Variants in CPNE8 observed in about 807,000 individuals in gnomAD.
CPNE8 encodes the protein copine-8.
Under a neutral mutation model 81.5 loss-of-function variants are expected in CPNE8, and 45 were observed. The observed-to-expected ratio is 0.55, with a 90% CI of 0.44 to 0.71. The LOEUF (loss-of-function observed/expected upper bound fraction) is 0.71. Among genes scored for constraint, CPNE8 ranks in the 30% least tolerant of loss-of-function variants. The pLI, the probability that CPNE8 is intolerant of heterozygous loss-of-function variation, is 0.00. For synonymous variants in CPNE8, 252 were observed against 226.3 expected, an observed-to-expected ratio of 1.11 and a Z score of -1.02; for missense variants, 594 against 672.1, an observed-to-expected ratio of 0.88 and a Z score of 1.28.
rs187355344 is a variant in CPNE8 at position 38,665,786 on chromosome 12, T to C, written c.1506+4943A>G. Among the ~76,000 whole-genome samples, 110 of 152,318 alleles carry C rather than the reference T, an allele frequency of 7.2e-4. 2 individuals carry two copies. The East Asian group carries it at 0.017, about 24-fold the overall frequency. On this transcript the variant is annotated intron_variant, in intron 19 of 19. Transcript: ENST00000331366. ...GAAAGCCTTTACGTATATTGACTTA[T>C]GACAAGGTAGTAAGCTTTATTTGTG...
chr12:38,694,508 G>T (rs562568943), intron 14 of CPNE8, among the ~76,000 whole-genome samples: 1 of 152,264 alleles, frequency 6.6e-6, no homozygotes, highest in East Asian at 1.9e-4. Context: ...GTTTAAAAGT[G>T]ATTAAAAATA....
chr12:38,734,515 T>C (rs377250774), intron 10 of CPNE8, among the ~76,000 whole-genome samples: 1 of 152,026 alleles, frequency 6.6e-6, no homozygotes, highest in Non-Finnish European at 1.5e-5. Flanking sequence ...CAATAGATAA[T>C]GCTTATTTTC....
intron 8 of CPNE8, among the ~76,000 whole-genome samples, chr12:38,763,500 T>C (rs976749028): frequency 6.6e-6 from 1 of 152,210 alleles, no homozygotes; most frequent in African/African-American, 2.4e-5. Context: ...GACCATTTAG[T>C]GTGTGGGTTC....
At chr12:38,660,032 A>C (rs1938916799) in intron 19 of CPNE8, among the ~76,000 whole-genome samples, 2 of 152,254 alleles carry the variant, frequency 1.3e-5, no homozygotes, top group African/African-American at 4.8e-5. Context: ...GAAAATGGCC[A>C]TACTGCCCAA....
chr12:38,711,441 A>G (rs1039220493), intron 13 of CPNE8, among the ~76,000 whole-genome samples: 2 of 151,672 alleles, frequency 1.3e-5, no homozygotes, highest in African/African-American at 4.8e-5. Context: ...ATGTAACTAG[A>G]TATCTCTAAG....
In CPNE8 at chr12:38,879,034, A is replaced by T. The variant is rs531302705; in HGVS notation, c.99-4523T>A. Among the ~76,000 whole-genome samples the T allele has an allele frequency of 5.3e-5, 8 of 152,316 alleles. No individual in the cohort carries two copies. The East Asian group carries it at 1.5e-3, about 29-fold the overall frequency. On this transcript the variant is annotated intron_variant, in intron 1 of 19. Coordinates refer to ENST00000331366, the MANE Select transcript of CPNE8 (RefSeq NM_153634.3). Reference sequence around the variant, plus strand: ...ACAGTAATTAGTTCTTATTCCAACTATTTTTCAAATAATCGATAATCATAT... The same window carrying T: ...ACAGTAATTAGTTCTTATTCCAACTTTTTTTCAAATAATCGATAATCATAT...
chr12:38,718,291 G>T (rs1415794130), intron 13 of CPNE8, among the ~76,000 whole-genome samples: 2 of 152,140 alleles, frequency 1.3e-5, no homozygotes, highest in African/African-American at 4.8e-5. Flanking sequence ...TAGCTGACTT[G>T]TTAAAAAAGG....
chr12:38,657,119 C>G (rs530518547), intron 19 of CPNE8, among the ~76,000 whole-genome samples: 1 of 152,146 alleles, frequency 6.6e-6, no homozygotes, highest in Non-Finnish European at 1.5e-5. Context: ...TTTCCCTTTC[C>G]TAGCCAAGGG....
chr12:38,704,826 G>GTATATATATGTGTGTATATGTATATATA (rs58878926), intron 13 of CPNE8, among the ~76,000 whole-genome samples: 15 of 50,196 alleles, frequency 3.0e-4, no homozygotes, highest in Non-Finnish European at 3.8e-4. Flanking sequence ...GTATGTATGT[G>GTATATATATGTGTGTATATGTATATATA]TATATATATA....
intron 7 of CPNE8, among the ~76,000 whole-genome samples, chr12:38,775,253 T>G (rs547701523): frequency 6.6e-6 from 1 of 152,304 alleles, no homozygotes; most frequent in South Asian, 2.1e-4. Context: ...TCCCAAAGGC[T>G]GAGATTACAG....
intron 19 of CPNE8, among the ~76,000 whole-genome samples, chr12:38,669,800 C>G (rs1435197126): frequency 4.6e-5 from 7 of 152,148 alleles, no homozygotes; most frequent in Admixed American, 4.6e-4. Flanking sequence ...TAAGCATATT[C>G]CTTTCCCTTC....
intron 14 of CPNE8, among the ~76,000 whole-genome samples, chr12:38,696,685 G>A (rs1202037681): frequency 6.6e-6 from 1 of 152,090 alleles, no homozygotes; most frequent in Non-Finnish European, 1.5e-5. Flanking sequence ...GAAACTCACA[G>A]TTCAATAGAA....
Position 38,685,596 on chromosome 12 carries a change from A to G in CPNE8, c.1165T>C (p.Tyr389His), listed in dbSNP as rs760891922. The part of the protein sequence containing the change: ...FALNGNPQNP[Y>H]CDGIEGVMEA... ...ATGACCCCCTCAATGCCATCACAGT[A>G]GGGGTTTTGAGGATTCCCATTCTGT... Residue 389 changes from tyrosine to histidine, a missense_variant, in exon 16 of 20, where the codon TAC (tyrosine) becomes CAC (histidine). Physicochemically the swap from Tyr to His is moderately conservative, Grantham distance 83. Transcript: ENST00000331366. 3 of 1,613,192 alleles carry G rather than the reference A, an allele frequency of 1.9e-6. No homozygotes were observed. In the South Asian group the frequency reaches 3.3e-5, roughly 18 times the overall value.
intron 13 of CPNE8, among the ~76,000 whole-genome samples, chr12:38,716,322 A>T (rs1357467832): frequency 6.6e-6 from 1 of 152,086 alleles, no homozygotes; most frequent in African/African-American, 2.4e-5. Flanking sequence ...GGAACCAAAG[A>T]GAGAGCTCAC....
chr12:38,823,448 C>T (rs1943138367), intron 6 of CPNE8, among the ~76,000 whole-genome samples: 1 of 152,206 alleles, frequency 6.6e-6, no homozygotes, highest in African/African-American at 2.4e-5. Context: ...TAATTCTCCA[C>T]CCACTACCAA....
At chr12:38,728,726 T>A (rs1183639274) in intron 11 of CPNE8, among the ~76,000 whole-genome samples, 1 of 152,078 alleles carries the variant, frequency 6.6e-6, no homozygotes, top group Non-Finnish European at 1.5e-5. Flanking sequence ...GGCTGGAAAT[T>A]TTTTTGGTTG....
At chr12:38,818,659 T>C (rs1173730606) in intron 6 of CPNE8, among the ~76,000 whole-genome samples, 4 of 152,158 alleles carry the variant, frequency 2.6e-5, no homozygotes, top group Admixed American at 2.0e-4. Context: ...GTAATGGGAT[T>C]GCTGGGTCAA....
At chr12:38,785,533 G>A (rs1485392867) in intron 6 of CPNE8, among the ~76,000 whole-genome samples, 1 of 152,108 alleles carries the variant, frequency 6.6e-6, no homozygotes, top group Admixed American at 6.5e-5. Flanking sequence ...AAGATCTGAT[G>A]ATTTTATAAA....
intron 6 of CPNE8, among the ~76,000 whole-genome samples, chr12:38,788,109 C>G (rs1942237988): frequency 6.6e-6 from 1 of 151,586 alleles, no homozygotes; most frequent in African/African-American, 2.4e-5. Context: ...CAAACTCATT[C>G]TACAAGGCCA....
Sources: allele counts gnomAD v4.1 joint callset (sites outside exome capture counted in the v4.1 genomes callset), GRCh38; gene constraint gnomAD v4.1.1; transcripts MANE v1.5; gene names NCBI Gene and HGNC (gene_info 2026-07-23, HGNC 2026-07-21).